The following RYR3 variants were observed in gnomAD, a reference collection of about 807,000 sequenced individuals.
The protein encoded by RYR3 is ryanodine receptor 3, also known as brain ryanodine receptor-calcium release channel.
Under a neutral mutation model 584.3 loss-of-function variants are expected in RYR3, and 207 were observed. The ratio of observed to expected loss-of-function variants is 0.35; its 90% CI spans 0.32 to 0.40. The LOEUF (loss-of-function observed/expected upper bound fraction) is 0.40, where lower values mean the gene tolerates loss of function less well. RYR3 is among the 10% of genes least tolerant of loss of function. The pLI is 1.00. For missense variants in RYR3, 5,616 were observed against 6,089.2 expected (o/e 0.92, Z 2.59); for synonymous variants, 2,416 against 2,248.5 (o/e 1.07, Z -2.11).
At chr15:33,646,161 A>T in intron 28 of RYR3, 190 bp from the exon 29 acceptor site, 1 of 506,330 alleles carries the variant, frequency 2.0e-6, no homozygotes, top group South Asian at 4.0e-5. Flanking sequence ...CCTAGCCAGG[A>T]GCAGATCTGT....
intron 5 of RYR3, 72 bp downstream of exon 5, chr15:33,533,461 G>T: frequency 1.9e-6 from 2 of 1,036,186 alleles, no homozygotes; most frequent in Non-Finnish European, 1.5e-6. Flanking sequence ...GAAGGACCCT[G>T]AATGCGTTAC....
chr15:33,710,339 CTTTTTT>C (rs58909445), intron 43 of RYR3, among the ~76,000 whole-genome samples: 10 of 112,426 alleles, frequency 8.9e-5, no homozygotes, highest in Admixed American at 9.1e-5. Flanking sequence ...GTGCCATACA[CTTTTTT>C]TTTTTTTTTT....
chr15:33,330,446 A>G (rs1264770572), intron 1 of RYR3, among the ~76,000 whole-genome samples: 3 of 152,024 alleles, frequency 2.0e-5, no homozygotes, highest in African/African-American at 7.2e-5. Flanking sequence ...CTTTCTACAC[A>G]TATGCCTGGA....
chr15:33,446,052 G>C (rs1045203022), intron 1 of RYR3, among the ~76,000 whole-genome samples: 1 of 152,108 alleles, frequency 6.6e-6, no homozygotes, highest in Non-Finnish European at 1.5e-5. Context: ...GGATAATGGA[G>C]GCAATTTCTT....
chr15:33,628,500 C>T lies in RYR3; in HGVS notation c.2604C>T (p.Ile868=), dbSNP rs763830930. ...QVILPPHLEK[I]RDRLAENIHE... is the part of the protein sequence containing the mutation. ...TTTTGCCACCTCACCTAGAAAAGAT[C>T]CGAGACAGACTAGCTGAAAACATCC... is the stretch of plus-strand genomic sequence containing the variant. Residue 868 remains isoleucine, a synonymous_variant, in exon 21 of 104, where the codon ATC becomes ATT. Transcript: ENST00000634891. The T allele has an allele frequency of 3.1e-6, 5 of 1,613,340 alleles. No individual in the cohort carries two copies. The Admixed American group carries it at 5.0e-5, about 16-fold the overall frequency.
chr15:33,785,694 T>C lies in RYR3; in HGVS notation c.9301T>C (p.Cys3101Arg), dbSNP rs1056756022. Reference sequence around the variant, plus strand: ...GATGCCAGACACGGTAGAAGACATGTGTCCTGACATCCCCCAGCTGGAAGG... The same window carrying C: ...GATGCCAGACACGGTAGAAGACATGCGTCCTGACATCCCCCAGCTGGAAGG... ...LGMPDTVEDM[C>R]PDIPQLEGLM... is the part of the protein sequence containing the mutation. The change falls in exon 66 of 104, where the codon TGT (cysteine) becomes CGT (arginine). Residue 3101 changes from cysteine (C) to arginine (R), a missense_variant. Cys to Arg is a radical substitution (Grantham distance 180, BLOSUM62 -3). This residue lies in a region of RYR3 where 954 missense variants were observed against 1,132.2 expected (regional missense o/e 0.84). Transcript: ENST00000634891. The C allele has an allele frequency of 2.5e-6, 4 of 1,609,626 alleles. No individual in the cohort carries two copies. Among genetic ancestry groups the C allele is most frequent in the Non-Finnish European group, 3.4e-6 (4 of 1,177,626 alleles).
intron 86 of RYR3, among the ~76,000 whole-genome samples, chr15:33,831,932 C>T (rs929458348): frequency 6.6e-6 from 1 of 152,132 alleles, no homozygotes; most frequent in African/African-American, 2.4e-5. Flanking sequence ...AGTATATTGC[C>T]TCTACCCGTA....
At chr15:33,816,742 A>G in intron 74 of RYR3, 120 bp from the exon 75 acceptor site, 1 of 610,642 alleles carries the variant, frequency 1.6e-6, no homozygotes. Context: ...GGCTACCCTG[A>G]CCAATCAGAA....
intron 2 of RYR3, among the ~76,000 whole-genome samples, chr15:33,474,236 G>A (rs913515204): frequency 1.3e-5 from 2 of 152,178 alleles, no homozygotes; most frequent in African/African-American, 2.4e-5. Flanking sequence ...CTGGATGCAT[G>A]GATGGATGGT....
At position 33,387,437 on chromosome 15, in the gene RYR3, C is replaced by T. The variant is rs1237083162; in HGVS notation, c.51+76341C>T. On this transcript the variant is annotated intron_variant, in intron 1 of 103. Transcript: ENST00000634891. The stretch of plus-strand genomic sequence containing the variant: ...CTTCCATAGCAGCAGCATCATTTTA[C>T]ATTCCTAGCAACAGGGCACAGGGGT... Among the ~76,000 whole-genome samples the T allele has an allele frequency of 3.3e-5, 5 of 152,174 alleles. No homozygotes were observed. In the East Asian group the frequency reaches 9.6e-4, roughly 29 times the overall value.
At chr15:33,541,752 A>G (rs996750639) in intron 7 of RYR3, among the ~76,000 whole-genome samples, 4 of 152,198 alleles carry the variant, frequency 2.6e-5, no homozygotes, top group Admixed American at 2.0e-4. Flanking sequence ...CATGATAGCT[A>G]AACTGAAGAC....
At chr15:33,484,832 A>C (rs1184818676) in intron 2 of RYR3, among the ~76,000 whole-genome samples, 1 of 152,204 alleles carries the variant, frequency 6.6e-6, no homozygotes, top group African/African-American at 2.4e-5. Flanking sequence ...AAAAGCCTGT[A>C]AGACATCCAA....
intron 32 of RYR3, among the ~76,000 whole-genome samples, chr15:33,658,936 TTA>T (rs1447687531): frequency 2.0e-5 from 3 of 151,978 alleles, no homozygotes; most frequent in Non-Finnish European, 1.5e-5. Flanking sequence ...CCGGGGAGAA[TTA>T]GGGCTTTGAG....
intron 67 of RYR3, among the ~76,000 whole-genome samples, chr15:33,795,641 AC>A (rs2075567348): frequency 6.6e-6 from 1 of 151,370 alleles, no homozygotes; most frequent in South Asian, 2.1e-4. Flanking sequence ...TGATCCACCC[AC>A]CTTGGCCTCC....
At chr15:33,743,465 C>T (rs1438020428) in intron 52 of RYR3, among the ~76,000 whole-genome samples, 1 of 152,148 alleles carries the variant, frequency 6.6e-6, no homozygotes, top group East Asian at 1.9e-4. Context: ...AAAGTGGGTG[C>T]CTGTGTTCCA....
chr15:33,737,250 C>T (rs889180998), intron 49 of RYR3, among the ~76,000 whole-genome samples: 2 of 152,186 alleles, frequency 1.3e-5, no homozygotes, highest in Non-Finnish European at 2.9e-5. Flanking sequence ...GTGTGAACCA[C>T]CATGCCTGGC....
In RYR3 at chr15:33,399,481, T is replaced by C. The variant is rs565530793; in HGVS notation, c.52-73938T>C. Among the ~76,000 whole-genome samples the C allele has an allele frequency of 6.6e-5, 10 of 152,032 alleles. No homozygotes were observed. In the East Asian group the frequency reaches 1.9e-3, roughly 30 times the overall value. ...TGGTGAAAACCTGTCTCTATTAAGA[T>C]ACAAAAAATAGCTGGGTGTGGTGGC... On this transcript the variant is annotated intron_variant, in intron 1 of 103. Coordinates refer to ENST00000634891, the MANE Select transcript of RYR3 (RefSeq NM_001036.6).
At chr15:33,605,351 A>G (rs760472278) in intron 18 of RYR3, among the ~76,000 whole-genome samples, 4 of 152,114 alleles carry the variant, frequency 2.6e-5, no homozygotes, top group Non-Finnish European at 5.9e-5. Flanking sequence ...ACAGTTCCCC[A>G]TCCTCTCCCT....
chr15:33,385,518 C>T (rs2041526699), intron 1 of RYR3, among the ~76,000 whole-genome samples: 1 of 152,008 alleles, frequency 6.6e-6, no homozygotes, highest in Middle Eastern at 3.2e-3. Context: ...AAAGTACTTA[C>T]CTATTGTCCT....
Sources: gnomAD v4.1 joint callset for allele counts (sites outside exome capture counted in the v4.1 genomes callset) on GRCh38, gnomAD v4.1.1 for gene constraint, gnomAD v4.1.1 regional missense constraint, MANE v1.5 for transcripts, NCBI Gene and HGNC (gene_info 2026-07-23, HGNC 2026-07-21) for gene names.